Variants in ESPN observed in about 807,000 individuals in gnomAD.
ESPN encodes the protein autosomal recessive deafness type 36 protein.
ESPN carries 68 observed loss-of-function variants against 77.7 expected under a neutral mutation model. That is an observed-to-expected ratio of 0.87 (90% CI 0.72 to 1.07). The LOEUF (loss-of-function observed/expected upper bound fraction) is 1.07, where lower values mean the gene tolerates loss of function less well. Among genes scored for constraint, ESPN ranks in the 50% least tolerant of loss-of-function variants. The pLI is 0.00. For synonymous variants in ESPN, 449 were observed against 567.1 expected (o/e 0.79, Z 2.96); for missense variants, 1,060 against 1,239.0 (o/e 0.86, Z 2.17).
At chr1:6,433,252 G>A (rs1190738669) in intron 2 of ESPN, among the ~76,000 whole-genome samples, 10 of 152,160 alleles carry the variant, frequency 6.6e-5, no homozygotes, top group Non-Finnish European at 1.5e-4. Context: ...AGGCCAGCCC[G>A]GCCGATACGG....
At position 6,450,977 on chromosome 1, in the gene ESPN, T is replaced by TA. The variant is rs745405581; in HGVS notation, c.1916-624dup. 9.9e-5 allele frequency among the ~76,000 whole-genome samples: 15 copies of TA among 152,162 alleles called. No individual in the cohort carries two copies. The highest frequency in any genetic ancestry group is 7.2e-4 in the Admixed American group (11 of 15,288). On this transcript the variant is annotated intron_variant, in intron 8 of 12. Transcript: ENST00000645284. This position sits in a 1 kb window ranked among gnomAD's most constrained non-coding sequence, Gnocchi z 4.3. ...TCCTGGGTGCCTCCCGTAGCCTTAG[T>TA]AAGGGCTCTGCTTTCCTGGGCCCCT...
rs546291538 is a variant in ESPN at position 6,452,599 on chromosome 1, A to G, written c.2325+503A>G. On this transcript the variant is annotated intron_variant, in intron 10 of 12. Coordinates refer to ENST00000645284, the MANE Select transcript of ESPN (RefSeq NM_031475.3). Reference sequence around the variant, plus strand: ...CCGGCCCAGCACCTGGGATCTGGTTAAAAGGCCTGTTCGGATTTAGGAGGT... The same window carrying G: ...CCGGCCCAGCACCTGGGATCTGGTTGAAAGGCCTGTTCGGATTTAGGAGGT... Among the ~76,000 whole-genome samples, 7 of 152,264 alleles carry G rather than the reference A, an allele frequency of 4.6e-5. No homozygotes were observed. In the East Asian group the frequency reaches 1.4e-3, roughly 29 times the overall value.
In ESPN at chr1:6,450,649, C is replaced by T. The variant is rs1397829960; in HGVS notation, c.1916-954C>T. Reference sequence around the variant, plus strand: ...CACCTCATACCTACCCTCATACCCACATATGCACCCAAGCATTCTGCACCT... The same window carrying T: ...CACCTCATACCTACCCTCATACCCATATATGCACCCAAGCATTCTGCACCT... On this transcript the variant is annotated intron_variant, in intron 8 of 12. Coordinates refer to ENST00000645284, the MANE Select transcript of ESPN (RefSeq NM_031475.3). The surrounding 1 kb of genome is among the most constrained non-coding windows in gnomAD (Gnocchi z 4.3). Among the ~76,000 whole-genome samples, 2 of 152,128 alleles carry T rather than the reference C, an allele frequency of 1.3e-5. No homozygotes were observed. The highest frequency in any genetic ancestry group is 2.4e-5 in the African/African-American group (1 of 41,410).
chr1:6,429,803 C>G (rs2148504860), intron 2 of ESPN: 1 of 152,806 alleles, frequency 6.5e-6, no homozygotes, highest in East Asian at 1.9e-4. Context: ...GGACCCTGAC[C>G]CCCTCCCAGG....
chr1:6,438,581 A>G (rs1028693924), intron 2 of ESPN, among the ~76,000 whole-genome samples: 4 of 152,246 alleles, frequency 2.6e-5, no homozygotes, highest in African/African-American at 9.6e-5. Flanking sequence ...CTGCATGCCC[A>G]TATTGCCGGC....
Position 6,449,108 on chromosome 1 carries a change from T to C in ESPN, c.1915+17T>C. The C allele has an allele frequency of 6.8e-7, 1 of 1,468,330 alleles. No homozygotes were observed. Among genetic ancestry groups the C allele is most frequent in the South Asian group, 1.3e-5 (1 of 76,042 alleles). 91.0% of individuals were successfully genotyped at this position (1,468,330 alleles called of 1,614,324 possible). On this transcript the variant is annotated intron_variant, in intron 8 of 12. Transcript: ENST00000645284. Reference sequence around the variant, plus strand: ...CCACCGGCAGTGAGTAGGGGCAGGTTGAGGGGCGTGGGGCGGCGCTAGCCC... The same window carrying C: ...CCACCGGCAGTGAGTAGGGGCAGGTCGAGGGGCGTGGGGCGGCGCTAGCCC...
intron 4 of ESPN, 63 bp downstream of exon 4, chr1:6,440,871 C>T (rs1643611370): frequency 6.5e-7 from 1 of 1,530,004 alleles, no homozygotes; most frequent in Non-Finnish European, 8.8e-7. Context: ...CAGCACGGCC[C>T]TGCCCGGGCG....
rs77170132 is a variant in ESPN at position 6,451,035 on chromosome 1, C to T, written c.1916-568C>T. On this transcript the variant is annotated intron_variant, in intron 8 of 12. Coordinates refer to ENST00000645284, the MANE Select transcript of ESPN (RefSeq NM_031475.3). This position sits in a 1 kb window ranked among gnomAD's most constrained non-coding sequence, Gnocchi z 4.3. ...AGCCATGCTTTGCCATAAAGGTGCT[C>T]CCGGCTTGCAACCAATGTGTCTGCT... 9.2e-3 allele frequency among the ~76,000 whole-genome samples: 1,402 copies of T among 152,316 alleles called. 20 individuals carry two copies. Among genetic ancestry groups the T allele is most frequent in the African/African-American group, 0.032 (1,350 of 41,564 alleles).
chr1:6,439,850 A>G (rs1431096520), intron 2 of ESPN, among the ~76,000 whole-genome samples: 2 of 152,156 alleles, frequency 1.3e-5, no homozygotes, highest in Non-Finnish European at 2.9e-5. Context: ...CCTACTAAAA[A>G]TACAAAAAAT....
chr1:6,440,677 G>A lies in ESPN; in HGVS notation c.727G>A (p.Ala243Thr), dbSNP rs1390047726. The A allele has an allele frequency of 1.5e-6, 2 of 1,300,236 alleles. No individual in the cohort carries two copies. Among genetic ancestry groups the A allele is most frequent in the East Asian group, 5.6e-5 (1 of 17,806 alleles). The allele number at this position is 1,300,236 out of a possible 1,614,324, so 80.5% of individuals were successfully genotyped here. A position where few individuals can be genotyped will look rare whatever the true frequency, so the allele number is the denominator to read the frequency against. Residue 243 changes from alanine (A) to threonine (T), a missense_variant, in exon 4 of 13, where the codon GCC (alanine) becomes ACC (threonine). Physicochemically the swap from Ala to Thr is moderately conservative, Grantham distance 58. Coordinates refer to ENST00000645284, the MANE Select transcript of ESPN (RefSeq NM_031475.3). ...LSEQDKDGAT[A>T]MHFAASRGHT... ...CGAGCAGGACAAAGACGGCGCCACC[G>A]CCATGCACTTCGCGGCGAGCCGCGG...
At chr1:6,440,598 C>G (rs1643594972) in intron 3 of ESPN, 28 bp from the exon 4 acceptor site, 1 of 1,182,040 alleles carries the variant, frequency 8.5e-7, no homozygotes, top group Non-Finnish European at 1.2e-6. Flanking sequence ...CCAGCCCCCG[C>G]CCCCCTCTCC....
At position 6,440,619 on chromosome 1, in the gene ESPN, C is replaced by CCCCCCCCCCGGG; in HGVS notation, c.676-7_676-6insCCCCCCCCCGGG. On this transcript the variant is annotated splice_polypyrimidine_tract_variant and splice_region_variant and intron_variant, in intron 3 of 12. Coordinates refer to ENST00000645284, the MANE Select transcript of ESPN (RefSeq NM_031475.3). Reference sequence around the variant, plus strand: ...CCCGCCCCCCTCTCCCCGCCCGTCCCGCCCAGGTGAGCTGCACCGACGTGA... The same window carrying CCCCCCCCCCGGG: ...CCCGCCCCCCTCTCCCCGCCCGTCCCCCCCCCCCCGGGGCCCAGGTGAGCTGCACCGACGTGA... 1.3e-6 allele frequency: 2 copies of CCCCCCCCCCGGG among 1,500,264 alleles called. No homozygotes were observed. Among genetic ancestry groups the CCCCCCCCCCGGG allele is most frequent in the Non-Finnish European group, 1.8e-6 (2 of 1,127,812 alleles). 92.9% of individuals were successfully genotyped at this position (1,500,264 alleles called of 1,614,324 possible).
At chr1:6,433,529 C>T (rs181687362) in intron 2 of ESPN, among the ~76,000 whole-genome samples, 4 of 151,886 alleles carry the variant, frequency 2.6e-5, no homozygotes, top group South Asian at 4.2e-4. Flanking sequence ...ATCACTTGAA[C>T]GCAGGAGGCA....
intron 8 of ESPN, 64 bp downstream of exon 8, chr1:6,449,155 A>G: frequency 7.2e-7 from 1 of 1,393,146 alleles, no homozygotes; most frequent in Non-Finnish European, 9.4e-7. Flanking sequence ...GGAAATCTAG[A>G]CACCGCCCCC....
At position 6,460,436 on chromosome 1, in the gene ESPN, CAA is replaced by C. The variant is rs975087105; in HGVS notation, c.*292_*293del. 4 of 399,306 alleles carry C rather than the reference CAA, an allele frequency of 1.0e-5. No homozygotes were observed. Among genetic ancestry groups the C allele is most frequent in the South Asian group, 8.1e-5 (3 of 37,024 alleles). The allele number at this position is 399,306 out of a possible 1,614,324, so 24.7% of individuals were successfully genotyped here. A position where few individuals can be genotyped will look rare whatever the true frequency, so the allele number is the denominator to read the frequency against. On this transcript the variant is annotated 3_prime_UTR_variant, in exon 13 of 13. Transcript: ENST00000645284. The stretch of plus-strand genomic sequence containing the variant: ...ATATATTTGCATGTTCGTTGACTAT[CAA>C]AGAGTGCAGAGCTCTCCCCAGCCCC...
intron 3 of ESPN, 55 bp downstream of exon 3, chr1:6,440,495 G>T: frequency 2.1e-6 from 3 of 1,436,402 alleles, no homozygotes; most frequent in Non-Finnish European, 1.8e-6. Flanking sequence ...CCGGCAGGGC[G>T]GGGAGTGGAG....
In ESPN at chr1:6,460,151, C is replaced by T. The variant is rs1232018733; in HGVS notation, c.*5C>T. On this transcript the variant is annotated 3_prime_UTR_variant, in exon 13 of 13. Transcript: ENST00000645284. ...GGGGACATCGCTAAGTACTAGAGGC[C>T]GCAGACTCCTGTCCGCAGCCTCGCA... 15 of 1,609,912 alleles carry T rather than the reference C, an allele frequency of 9.3e-6. No individual in the cohort carries two copies. In the South Asian group the frequency reaches 1.1e-4, roughly 12 times the overall value.
intron 12 of ESPN, 110 bp downstream of exon 12, chr1:6,457,482 G>A: frequency 2.3e-6 from 3 of 1,318,808 alleles, no homozygotes; most frequent in Non-Finnish European, 3.3e-6. Context: ...CTTGGCCCTT[G>A]TAGCACAGCC....
intron 2 of ESPN, among the ~76,000 whole-genome samples, chr1:6,433,937 C>T (rs192092484): frequency 1.3e-3 from 197 of 152,268 alleles, no homozygotes; most frequent in African/African-American, 4.5e-3. Context: ...ACTTGAGTCT[C>T]GCTCTATCGC....
Sources: gnomAD v4.1 joint callset for allele counts (sites outside exome capture counted in the v4.1 genomes callset) on GRCh38, gnomAD v4.1.1 for gene constraint, Gnocchi (gnomAD v3.1) non-coding constraint, MANE v1.5 for transcripts, NCBI Gene and HGNC (gene_info 2026-07-23, HGNC 2026-07-21) for gene names.